The following AGT variants were observed in gnomAD, a reference collection of about 807,000 sequenced individuals.
AGT encodes the protein alpha-1 antiproteinase, antitrypsin.
AGT carries 26 observed loss-of-function variants against 28.1 expected under a neutral mutation model. The ratio of observed to expected loss-of-function variants is 0.92; its 90% CI spans 0.68 to 1.28. AGT has a LOEUF of 1.28. AGT is among the 50% of genes most tolerant of loss of function. The pLI is 0.00. For missense variants in AGT, 596 were observed against 592.3 expected, an observed-to-expected ratio of 1.01 and a Z score of -0.06; for synonymous variants, 259 against 259.6, an observed-to-expected ratio of 1.00 and a Z score of 0.02.
At chr1:230,730,127 G>A (rs2102802405) in intron 1 of AGT, among the ~76,000 whole-genome samples, 1 of 152,084 alleles carries the variant, frequency 6.6e-6, no homozygotes, top group African/African-American at 2.4e-5. Context: ...CACCTTGTTG[G>A]CCAGGCTGTT....
chr1:230,708,148 G>T (rs1663449055), intron 2 of AGT, among the ~76,000 whole-genome samples: 1 of 152,206 alleles, frequency 6.6e-6, no homozygotes, highest in Admixed American at 6.5e-5. Flanking sequence ...TTAGGAAGTG[G>T]GGCAGGGTCA....
chr1:230,735,827 T>A (rs1334723605), intron 1 of AGT, among the ~76,000 whole-genome samples: 2 of 152,244 alleles, frequency 1.3e-5, no homozygotes, highest in African/African-American at 4.8e-5. Flanking sequence ...GGTACCCTGC[T>A]GCTTCCAGCC....
chr1:230,735,840 C>G (rs550008863), intron 1 of AGT, among the ~76,000 whole-genome samples: 1 of 152,216 alleles, frequency 6.6e-6, no homozygotes, highest in Admixed American at 6.5e-5. Context: ...TTCCAGCCCC[C>G]CAACTGCTCA....
chr1:230,703,167 C>G lies in AGT; in HGVS notation c.1405G>C (p.Val469Leu), dbSNP rs766166368. 1 of 1,614,010 alleles carries G rather than the reference C, an allele frequency of 6.2e-7. No individual in the cohort carries two copies. Among genetic ancestry groups the G allele is most frequent in the South Asian group, 1.1e-5 (1 of 91,074 alleles). ...SATALHFLGR[V>L]ANPLSTA ...CATGCTGTGCTCAGCGGGTTGGCCA[C>G]GCGGCCCAGGAAGTGCAGGGCAGTG... Residue 469 changes from valine (V) to leucine (L), a missense_variant, in exon 5 of 5, where the codon GTG (valine) becomes CTG (leucine). Physicochemically the swap from Val to Leu is conservative, Grantham distance 32. Coordinates refer to ENST00000366667, the MANE Select transcript of AGT (RefSeq NM_001384479.1).
At chr1:230,718,663 C>G (rs1157316256), upstream of AGT, among the ~76,000 whole-genome samples, 3 of 149,010 alleles carry the variant, frequency 2.0e-5, no homozygotes, top group East Asian at 6.0e-4. Flanking sequence ...TGCCTTGTTT[C>G]ATTTAGCATA....
upstream of AGT, among the ~76,000 whole-genome samples, chr1:230,715,883 G>C (rs1462547460): frequency 6.6e-6 from 1 of 152,124 alleles, no homozygotes; most frequent in South Asian, 2.1e-4. Context: ...TCCTGCCTCG[G>C]GCCCTTGGAA....
chr1:230,718,897 T>C (rs1025660551), upstream of AGT, among the ~76,000 whole-genome samples: 21 of 151,994 alleles, frequency 1.4e-4, no homozygotes, highest in Non-Finnish European at 2.8e-4. Flanking sequence ...GGCCAACTTT[T>C]TTGTACTTTT....
At chr1:230,732,514 A>G (rs1434420721) in intron 1 of AGT, among the ~76,000 whole-genome samples, 2 of 152,152 alleles carry the variant, frequency 1.3e-5, no homozygotes, top group African/African-American at 2.4e-5. Context: ...TGAAAATGCA[A>G]GAATAACTTT....
intron 2 of AGT, among the ~76,000 whole-genome samples, chr1:230,707,092 G>C (rs371171906): frequency 1.4e-4 from 21 of 152,358 alleles, no homozygotes; most frequent in African/African-American, 5.1e-4. Context: ...CTGGGCCTTG[G>C]GGGCAGGGGT....
intron 1 of AGT, among the ~76,000 whole-genome samples, chr1:230,735,729 G>A (rs1181179520): frequency 6.6e-6 from 1 of 152,046 alleles, no homozygotes; most frequent in African/African-American, 2.4e-5. Flanking sequence ...TTGGCCTCAG[G>A]TGACTGCATC....
At chr1:230,730,542 A>G (rs1664034542) in intron 1 of AGT, among the ~76,000 whole-genome samples, 1 of 152,088 alleles carries the variant, frequency 6.6e-6, no homozygotes, top group Non-Finnish European at 1.5e-5. Context: ...GGAAAAGCTG[A>G]CTCAGTTGGT....
chr1:230,713,820 C>T (rs754225583), intron 1 of AGT, among the ~76,000 whole-genome samples: 4 of 152,178 alleles, frequency 2.6e-5, no homozygotes, highest in Admixed American at 6.5e-5. Context: ...CAGTCTGCTC[C>T]GTTCCTGAGG....
At chr1:230,743,971 T>C (rs1415022884) in intron 1 of AGT, among the ~76,000 whole-genome samples, 1 of 152,218 alleles carries the variant, frequency 6.6e-6, no homozygotes, top group East Asian at 1.9e-4. Flanking sequence ...TCATTTCATG[T>C]AGAAATCACT....
intron 1 of AGT, among the ~76,000 whole-genome samples, chr1:230,731,603 C>T (rs373558239): frequency 2.6e-5 from 4 of 152,282 alleles, no homozygotes; most frequent in South Asian, 2.1e-4. Flanking sequence ...CGATGGCTCA[C>T]GTCTGTAATC....
At chr1:230,716,570 C>A (rs1663742230), upstream of AGT, among the ~76,000 whole-genome samples, 1 of 152,276 alleles carries the variant, frequency 6.6e-6, no homozygotes, top group South Asian at 2.1e-4. Flanking sequence ...GTGGATCTTT[C>A]TGATGCTGTT....
rs1663287775 is a variant in AGT, at chr1:230,703,400, G to A, written c.1243-71C>T. ...GACCCAGGGTGCTGAGGGCTAGAGGGCCGGGGTGGGCTCAGGACCTCTGTG... is the reference window on the plus strand; with the variant it reads ...GACCCAGGGTGCTGAGGGCTAGAGGACCGGGGTGGGCTCAGGACCTCTGTG... On this transcript the variant is annotated intron_variant, in intron 4 of 4. Coordinates refer to ENST00000366667, the MANE Select transcript of AGT (RefSeq NM_001384479.1). 8 of 1,533,340 alleles carry A rather than the reference G, an allele frequency of 5.2e-6. No homozygotes were observed. The Admixed American group carries it at 8.5e-5, about 16-fold the overall frequency. The allele number at this position is 1,533,340 out of a possible 1,614,324, so 95.0% of individuals were successfully genotyped here. A position where few individuals can be genotyped will look rare whatever the true frequency, so the allele number is the denominator to read the frequency against.
chr1:230,745,007 G>C (rs1463599818), intron 1 of AGT, among the ~76,000 whole-genome samples: 2 of 152,200 alleles, frequency 1.3e-5, no homozygotes, highest in African/African-American at 4.8e-5. Flanking sequence ...CTTCGAAACA[G>C]AGCCGTCTGC....
intron 4 of AGT, 54 bp downstream of exon 4, chr1:230,704,139 C>T (rs896799362): frequency 8.7e-5 from 140 of 1,613,668 alleles, no homozygotes; most frequent in Non-Finnish European, 1.1e-4. Flanking sequence ...CCATGCCTCC[C>T]ACCCTGTGCA....
In AGT at chr1:230,733,072, G is replaced by A. The variant is rs539369544; in HGVS notation, c.-31+12443C>T. 5.9e-5 allele frequency among the ~76,000 whole-genome samples: 9 copies of A among 151,790 alleles called. No individual in the cohort carries two copies. In the East Asian group the frequency reaches 1.2e-3, roughly 20 times the overall value. ...CAAGGCAGGTGGATCATCTGAGGTC[G>A]GGCGTTCAAGATCAGCCCAACCAAC... On this transcript the variant is annotated intron_variant, in intron 1 of 4. Coordinates refer to the AGT transcript ENST00000681269.
Sources: allele counts gnomAD v4.1 joint callset (sites outside exome capture counted in the v4.1 genomes callset), GRCh38; gene constraint gnomAD v4.1.1; transcripts MANE v1.5; gene names NCBI Gene and HGNC (gene_info 2026-07-23, HGNC 2026-07-21).